Variants in NOL10 observed in about 807,000 individuals in gnomAD.
The protein encoded by NOL10 is nucleolar protein 10.
A neutral mutation model predicts 103.5 loss-of-function variants in NOL10; 58 were observed. The ratio of observed to expected loss-of-function variants is 0.56; its 90% CI spans 0.45 to 0.70. The LOEUF is 0.70. Ranked by LOEUF, NOL10 falls within the 30% of genes least tolerant of loss-of-function variation. The probability of loss-of-function intolerance (pLI) is 0.00; values close to 1 mark genes in which losing one functional copy is unlikely to be tolerated. For synonymous variants in NOL10, 287 were observed against 282.5 expected, an observed-to-expected ratio of 1.02 and a Z score of -0.16; for missense variants, 763 against 807.3, an observed-to-expected ratio of 0.95 and a Z score of 0.67.
intron 20 of NOL10, among the ~76,000 whole-genome samples, chr2:10,577,087 A>T: frequency 6.6e-6 from 1 of 151,916 alleles, no homozygotes; most frequent in East Asian, 1.9e-4. Flanking sequence ...ACCACTGGCT[A>T]AAAAAAATGG....
chr2:10,617,896 C>G (rs561986506), intron 13 of NOL10, among the ~76,000 whole-genome samples: 1 of 152,168 alleles, frequency 6.6e-6, no homozygotes, highest in East Asian at 1.9e-4. Flanking sequence ...AATGCATAGA[C>G]AGAAAGTAGG....
intron 9 of NOL10, 81 bp from the exon 10 acceptor site, chr2:10,659,331 T>A: frequency 7.5e-6 from 2 of 265,486 alleles, no homozygotes; most frequent in Non-Finnish European, 8.0e-6. Context: ...AGTCTTCACT[T>A]CAAATCTAAT....
intron 19 of NOL10, among the ~76,000 whole-genome samples, chr2:10,584,078 T>C (rs900338034): frequency 1.3e-5 from 2 of 152,196 alleles, no homozygotes; most frequent in African/African-American, 4.8e-5. Context: ...TCGCATGGCC[T>C]GCCTGTGGCT....
At position 10,669,535 on chromosome 2, in the gene NOL10, C is replaced by G. The variant is rs201436331; in HGVS notation, c.465-812G>C. Among the ~76,000 whole-genome samples the G allele has an allele frequency of 1.0e-4, 14 of 135,248 alleles. No individual in the cohort carries two copies. The East Asian group carries it at 2.9e-3, about 28-fold the overall frequency. The allele number at this position is 135,248 out of a possible 152,430, so 88.7% of individuals were successfully genotyped here. A position where few individuals can be genotyped will look rare whatever the true frequency, so the allele number is the denominator to read the frequency against. On this transcript the variant is annotated intron_variant, in intron 6 of 20. Transcript: ENST00000381685. Reference sequence around the variant, plus strand: ...ATATACACACACACACACACACACACACACACAAACATAATAGCCACCAGT... The same window carrying G: ...ATATACACACACACACACACACACAGACACACAAACATAATAGCCACCAGT...
chr2:10,652,679 A>G (rs1679556113), intron 12 of NOL10, among the ~76,000 whole-genome samples: 1 of 151,998 alleles, frequency 6.6e-6, no homozygotes, highest in South Asian at 2.1e-4. Flanking sequence ...CATTCTCCCA[A>G]ATGAACCAGC....
chr2:10,616,636 C>A (rs1676850179), intron 13 of NOL10, among the ~76,000 whole-genome samples: 2 of 152,114 alleles, frequency 1.3e-5, no homozygotes, highest in African/African-American at 4.8e-5. Context: ...GCCACCTCAA[C>A]CTCCCAGGTT....
At chr2:10,573,452 A>G (rs181236009) in intron 20 of NOL10, among the ~76,000 whole-genome samples, 1 of 152,238 alleles carries the variant, frequency 6.6e-6, no homozygotes, top group Non-Finnish European at 1.5e-5. Context: ...TTGGCCTCCT[A>G]AAGTGCTGGG....
At chr2:10,573,655 C>CAAAA (rs561312921) in intron 20 of NOL10, among the ~76,000 whole-genome samples, 29 of 124,796 alleles carry the variant, frequency 2.3e-4, no homozygotes, top group African/African-American at 8.1e-4. Context: ...TTTGTAATGT[C>CAAAA]AAAAAAAAAA....
rs1467473062 is a variant in NOL10 at position 10,571,424 on chromosome 2, G to A, written c.*647C>T. ...CTTTTCTTTACTTATAAATTACCCA[G>A]TTTCAGGTAGTTCTTTATAGCAGTG... is the stretch of plus-strand genomic sequence containing the variant. On this transcript the variant is annotated 3_prime_UTR_variant, in exon 21 of 21. Transcript: ENST00000381685. 1 of 152,378 alleles carries A rather than the reference G, an allele frequency of 6.6e-6. No homozygotes were observed. The highest frequency in any genetic ancestry group is 1.5e-5 in the Non-Finnish European group (1 of 68,222). 9.4% of individuals were successfully genotyped at this position (152,378 alleles called of 1,614,324 possible). A position where few individuals can be genotyped will look rare whatever the true frequency, so the allele number is the denominator to read the frequency against.
intron 1 of NOL10, among the ~76,000 whole-genome samples, chr2:10,688,606 T>C (rs1682383822): frequency 2.0e-5 from 3 of 152,248 alleles, no homozygotes; most frequent in Non-Finnish European, 2.9e-5. Context: ...CAATATTTTA[T>C]CCAAAACAGC....
In NOL10 at chr2:10,664,152, C is replaced by G. The variant is rs926750114; in HGVS notation, c.592-1108G>C. ...AAAAACCCAAAAAAACAGAACAGGC[C>G]GGGCATGGTGGCTTATGCCTGTAAT... On this transcript the variant is annotated intron_variant, in intron 8 of 20. Transcript: ENST00000381685. 2.0e-4 allele frequency among the ~76,000 whole-genome samples: 30 copies of G among 151,702 alleles called. No homozygotes were observed. In the Middle Eastern group the frequency reaches 0.01, roughly 52 times the overall value.
chr2:10,621,188 T>C (rs1053551572), intron 13 of NOL10, among the ~76,000 whole-genome samples: 4 of 151,820 alleles, frequency 2.6e-5, no homozygotes, highest in African/African-American at 9.7e-5. Context: ...GAGCTTTATT[T>C]AAAAAAAACC....
chr2:10,645,830 C>G (rs948368699), intron 12 of NOL10, among the ~76,000 whole-genome samples: 1 of 151,942 alleles, frequency 6.6e-6, no homozygotes, highest in African/African-American at 2.4e-5. Flanking sequence ...CATCTGGCCT[C>G]GATACTATCT....
intron 13 of NOL10, chr2:10,622,259 C>G (rs991382952): frequency 2.2e-6 from 1 of 449,944 alleles, no homozygotes; most frequent in Non-Finnish European, 4.6e-6. Flanking sequence ...GCTTGATTTA[C>G]GTGCTGACCA....
In NOL10 at chr2:10,675,835, T is replaced by C; in HGVS notation, c.248A>G (p.Tyr83Cys). Residue 83 changes from tyrosine to cysteine, a missense_variant, in exon 4 of 21, where the codon TAT becomes TGT. Transcript: ENST00000381685. ...YKPRVRCYDT[Y>C]QLSLKFERCL... Reference sequence around the variant, plus strand: ...CCTTTCAAACTTCAAGGATAATTGATAGGTGTCATAACATCGAACCCGAGG... The same window carrying C: ...CCTTTCAAACTTCAAGGATAATTGACAGGTGTCATAACATCGAACCCGAGG... 6.3e-7 allele frequency: 1 copy of C among 1,583,272 alleles called. No individual in the cohort carries two copies. Among genetic ancestry groups the C allele is most frequent in the Admixed American group, 1.8e-5 (1 of 56,294 alleles).
At chr2:10,573,655 C>CAA (rs561312921) in intron 20 of NOL10, among the ~76,000 whole-genome samples, 4,684 of 124,688 alleles carry the variant, frequency 0.038, 240 homozygotes, top group African/African-American at 0.12. Context: ...TTTGTAATGT[C>CAA]AAAAAAAAAA....
rs73169908 is a variant in NOL10, at chr2:10,673,505, T to C, written c.327+15A>G. 7,413 of 1,573,914 alleles carry C rather than the reference T, an allele frequency of 4.7e-3. 315 individuals carry two copies. In the African/African-American group the frequency reaches 0.089, roughly 19 times the overall value. On this transcript the variant is annotated intron_variant, in intron 5 of 20. Coordinates refer to ENST00000381685, the MANE Select transcript of NOL10 (RefSeq NM_024894.4). ...CTTGGGTCTAGTCAGTACAAACCAATGCTATAAAACATACCTTTGAGTAGT... is the reference window on the plus strand; with the variant it reads ...CTTGGGTCTAGTCAGTACAAACCAACGCTATAAAACATACCTTTGAGTAGT...
intron 1 of NOL10, among the ~76,000 whole-genome samples, chr2:10,689,442 ATG>A (rs1682458782): frequency 6.6e-6 from 1 of 152,152 alleles, no homozygotes; most frequent in Admixed American, 6.5e-5. Context: ...TGGGGGAGAG[ATG>A]TGTCAACGAA....
At chr2:10,631,364 T>C (rs1027473784) in intron 13 of NOL10, among the ~76,000 whole-genome samples, 1 of 152,192 alleles carries the variant, frequency 6.6e-6, no homozygotes, top group Non-Finnish European at 1.5e-5. Context: ...AGGCATTCTT[T>C]TCAATCTTTA....
Sources: allele counts gnomAD v4.1 joint callset (sites outside exome capture counted in the v4.1 genomes callset), GRCh38; gene constraint gnomAD v4.1.1; transcripts MANE v1.5; gene names NCBI Gene and HGNC (gene_info 2026-07-23, HGNC 2026-07-21).